Variants in CNTNAP2 observed in about 807,000 individuals in gnomAD.
CNTNAP2 encodes the protein contactin-associated protein-like 2.
CNTNAP2 carries 98 observed loss-of-function variants against 155.2 expected under a neutral mutation model. The observed-to-expected ratio is 0.63, with a 90% CI of 0.54 to 0.75. CNTNAP2 has a LOEUF of 0.75. Ranked by LOEUF, CNTNAP2 falls within the 30% of genes least tolerant of loss-of-function variation. CNTNAP2 has a pLI of 0.00. For missense variants in CNTNAP2, 1,727 were observed against 1,688.1 expected (o/e 1.02, Z -0.40); for synonymous variants, 651 against 631.2 (o/e 1.03, Z -0.47).
Position 146,726,952 on chromosome 7 carries a change from T to C in CNTNAP2, c.98-47319T>C, listed in dbSNP as rs192710995. Among the ~76,000 whole-genome samples the C allele has an allele frequency of 4.4e-3, 676 of 152,270 alleles. 4 individuals carry two copies. Among genetic ancestry groups the C allele is most frequent in the African/African-American group, 0.015 (642 of 41,552 alleles). On this transcript the variant is annotated intron_variant, in intron 1 of 23. Coordinates refer to ENST00000361727, the MANE Select transcript of CNTNAP2 (RefSeq NM_014141.6). ...CATGCCCATTAAATATAACCAGATATATTTACTTGCTTGGTTTTCCTTTTG... is the reference window on the plus strand; with the variant it reads ...CATGCCCATTAAATATAACCAGATACATTTACTTGCTTGGTTTTCCTTTTG...
At chr7:147,361,940 T>G (rs942994562) in intron 9 of CNTNAP2, among the ~76,000 whole-genome samples, 3 of 152,186 alleles carry the variant, frequency 2.0e-5, no homozygotes, top group Admixed American at 6.5e-5. Context: ...GAGCTGGAGC[T>G]GGAATCACCT....
chr7:146,493,690 A>T (rs1002090037), intron 1 of CNTNAP2, among the ~76,000 whole-genome samples: 1 of 152,108 alleles, frequency 6.6e-6, no homozygotes, highest in African/African-American at 2.4e-5. Flanking sequence ...CAAGCCACCC[A>T]CTGTCTCTGG....
intron 10 of CNTNAP2, among the ~76,000 whole-genome samples, chr7:147,454,311 G>A (rs1395268487): frequency 1.3e-5 from 2 of 152,016 alleles, no homozygotes; most frequent in African/African-American, 2.4e-5. Flanking sequence ...ATAGGACGTC[G>A]AGTTTAAGTA....
intron 16 of CNTNAP2, among the ~76,000 whole-genome samples, chr7:148,145,785 T>C (rs934774441): frequency 6.6e-6 from 1 of 152,176 alleles, no homozygotes; most frequent in Non-Finnish European, 1.5e-5. Context: ...CATGGAAACC[T>C]TGATGGAGGT....
At position 147,135,352 on chromosome 7, in the gene CNTNAP2, AAAAC is replaced by A. The variant is rs1404969523; in HGVS notation, c.1348+2858_1348+2861del. ...ATCAACGTTTTCTGATGGATAGCCA[AAAAC>A]AAACAAACAAACAACAACAACAAAA... On this transcript the variant is annotated intron_variant, in intron 8 of 23. Coordinates refer to ENST00000361727, the MANE Select transcript of CNTNAP2 (RefSeq NM_014141.6). Among the ~76,000 whole-genome samples, 204 of 151,790 alleles carry A rather than the reference AAAAC, an allele frequency of 1.3e-3. 5 individuals are homozygous for A. Among genetic ancestry groups the A allele is most frequent in the South Asian group, 2.1e-4 (1 of 4,830 alleles).
At chr7:147,080,890 G>A (rs1800111416) in intron 4 of CNTNAP2, 1 of 151,690 alleles carries the variant, frequency 6.6e-6, no homozygotes, top group Non-Finnish European at 1.5e-5. Flanking sequence ...TGAAAAGTGA[G>A]AAAGATTGAA....
At chr7:146,443,229 A>ATAAT in intron 1 of CNTNAP2, among the ~76,000 whole-genome samples, 1 of 96,608 alleles carries the variant, frequency 1.0e-5, no homozygotes, top group Admixed American at 1.2e-4. Flanking sequence ...AAATAAATAA[A>ATAAT]TAATAAATAA....
intron 1 of CNTNAP2, among the ~76,000 whole-genome samples, chr7:146,535,814 T>C (rs802005): frequency 0.45 from 67,929 of 151,756 alleles, 17,247 homozygotes; most frequent in African/African-American, 0.7. Flanking sequence ...CCCGTATTTA[T>C]GTCCAAAAAG....
intron 1 of CNTNAP2, among the ~76,000 whole-genome samples, chr7:146,127,804 A>T (rs768534095): frequency 5.8e-4 from 89 of 152,218 alleles, no homozygotes; most frequent in Non-Finnish European, 9.4e-4. Flanking sequence ...CTTCTAAATG[A>T]TAGCTGTAGC....
At chr7:147,394,355 CTAATA>C (rs1458071393) in intron 9 of CNTNAP2, among the ~76,000 whole-genome samples, 1 of 151,924 alleles carries the variant, frequency 6.6e-6, no homozygotes, top group Non-Finnish European at 1.5e-5. Flanking sequence ...TGAGAACAGA[CTAATA>C]TAATGGCCAT....
At chr7:147,028,957 T>C (rs1798973694) in intron 3 of CNTNAP2, among the ~76,000 whole-genome samples, 1 of 140,224 alleles carries the variant, frequency 7.1e-6, no homozygotes, top group South Asian at 2.3e-4. Context: ...ATAAGATATG[T>C]TCTTTTTTTT....
At chr7:148,047,983 G>A (rs1326674157) in intron 15 of CNTNAP2, among the ~76,000 whole-genome samples, 1 of 151,966 alleles carries the variant, frequency 6.6e-6, no homozygotes, top group African/African-American at 2.4e-5. Context: ...GAGTGCAGTG[G>A]CACCATCTCA....
At position 146,931,226 on chromosome 7, in the gene CNTNAP2, A is replaced by G. The variant is rs866036935; in HGVS notation, c.402+91322A>G. Among the ~76,000 whole-genome samples the G allele has an allele frequency of 9.0e-3, 1,364 of 152,258 alleles. 20 individuals carry two copies. The highest frequency in any genetic ancestry group is 0.032 in the African/African-American group (1,323 of 41,520). On this transcript the variant is annotated intron_variant, in intron 3 of 23. Coordinates refer to ENST00000361727, the MANE Select transcript of CNTNAP2 (RefSeq NM_014141.6). Reference sequence around the variant, plus strand: ...GCAAATGTAAAAGAACAGAAATTATAACAAACTGTCTCTCAGACCACAGTG... The same window carrying G: ...GCAAATGTAAAAGAACAGAAATTATGACAAACTGTCTCTCAGACCACAGTG...
intron 11 of CNTNAP2, among the ~76,000 whole-genome samples, chr7:147,552,603 CACACAG>C (rs944218238): frequency 1.4e-5 from 2 of 146,194 alleles, no homozygotes; most frequent in Non-Finnish European, 1.5e-5. Context: ...CACACACACA[CACACAG>C]AGATATAAAT....
intron 9 of CNTNAP2, among the ~76,000 whole-genome samples, chr7:147,335,432 C>G (rs917804832): frequency 6.6e-6 from 1 of 152,072 alleles, no homozygotes; most frequent in Non-Finnish European, 1.5e-5. Flanking sequence ...TAGTAAGCTA[C>G]TAATTAGGTG....
Position 146,136,247 on chromosome 7 carries a change from C to T in CNTNAP2, c.97+19274C>T, listed in dbSNP as rs562267062. On this transcript the variant is annotated intron_variant, in intron 1 of 23. Coordinates refer to ENST00000361727, the MANE Select transcript of CNTNAP2 (RefSeq NM_014141.6). ...TTTTACATTGCATACTGCCAGAAAT[C>T]ACCACATGTAGCATGGCAGATGGCT... 4.6e-5 allele frequency among the ~76,000 whole-genome samples: 7 copies of T among 152,252 alleles called. No homozygotes were observed. The East Asian group carries it at 1.4e-3, about 29-fold the overall frequency.
intron 13 of CNTNAP2, among the ~76,000 whole-genome samples, chr7:147,738,080 A>T (rs150556497): frequency 0.011 from 1,672 of 152,252 alleles, 95 homozygotes; most frequent in Admixed American, 0.087. Flanking sequence ...TCAGTTGGAA[A>T]TGCAGACATC....
chr7:148,015,161 G>A (rs7781064), intron 15 of CNTNAP2, among the ~76,000 whole-genome samples: 6,033 of 152,226 alleles, frequency 0.04, 241 homozygotes, highest in East Asian at 0.24. Context: ...CCATAAGCAT[G>A]AAGGAAATCC....
intron 14 of CNTNAP2, among the ~76,000 whole-genome samples, chr7:147,930,793 C>T (rs776385668): frequency 2.0e-5 from 3 of 152,072 alleles, no homozygotes; most frequent in Admixed American, 1.3e-4. Context: ...TCTCATGTTA[C>T]GTCACAAAAC....
Sources: gnomAD v4.1 joint callset for allele counts (sites outside exome capture counted in the v4.1 genomes callset) on GRCh38, gnomAD v4.1.1 for gene constraint, MANE v1.5 for transcripts, NCBI Gene and HGNC (gene_info 2026-07-23, HGNC 2026-07-21) for gene names.